MON2: variants seen among roughly 807,000 people sequenced by gnomAD.
MON2 encodes MON2 regulator of endosome-to-Golgi trafficking.
A neutral mutation model predicts 208.6 loss-of-function variants in MON2; 84 were observed. The ratio of observed to expected loss-of-function variants is 0.40; its 90% CI spans 0.34 to 0.48. The LOEUF is 0.48. Among genes scored for constraint, MON2 ranks in the 20% least tolerant of loss-of-function variants. MON2 has a pLI of 0.59. For synonymous variants in MON2, 660 were observed against 694.0 expected (o/e 0.95, Z 0.77); for missense variants, 1,611 against 2,015.4 (o/e 0.80, Z 3.84).
chr12:62,562,675 G>A (rs1412170741), intron 26 of MON2, among the ~76,000 whole-genome samples: 1 of 151,934 alleles, frequency 6.6e-6, no homozygotes, highest in African/African-American at 2.4e-5. Flanking sequence ...AAATTTACTT[G>A]CTTTTGGACT....
At chr12:62,585,101 ACACACAC>A (rs2075166169) in intron 32 of MON2, among the ~76,000 whole-genome samples, 186 bp from the exon 33 acceptor site, 2 of 66,580 alleles carry the variant, frequency 3.0e-5, no homozygotes, top group Non-Finnish European at 6.0e-5. Context: ...ACACACACAC[ACACACAC>A]ACAAAACAAA....
intron 6 of MON2, 77 bp downstream of exon 6, chr12:62,500,957 T>A: frequency 1.2e-6 from 1 of 810,318 alleles, no homozygotes; most frequent in Non-Finnish European, 1.9e-6. Flanking sequence ...ATTTTATGTC[T>A]AATTTTTTTA....
rs1400456921 is a variant in MON2 at position 62,596,233 on chromosome 12, A to G, written c.*3484A>G. The stretch of plus-strand genomic sequence containing the variant: ...GGTGGTCATTATTACATTTGTGTCA[A>G]TGAAGGGCAGTGTAGTTATTTTAAA... On this transcript the variant is annotated 3_prime_UTR_variant, in exon 35 of 35. Coordinates refer to ENST00000393630, the MANE Select transcript of MON2 (RefSeq NM_015026.3). 1 of 152,222 alleles carries G rather than the reference A, an allele frequency of 6.6e-6. No individual in the cohort carries two copies. The highest frequency in any genetic ancestry group is 1.5e-5 in the Non-Finnish European group (1 of 68,028). 9.4% of individuals were successfully genotyped at this position (152,222 alleles called of 1,614,324 possible). A position where few individuals can be genotyped will look rare whatever the true frequency, so the allele number is the denominator to read the frequency against.
In MON2 at chr12:62,592,824, G is replaced by C; in HGVS notation, c.*75G>C. ...TCCTAATTGAGTCTTCTGTGAGAAGGACATTTCTTACTGCAGATAATTCTT... is the reference window on the plus strand; with the variant it reads ...TCCTAATTGAGTCTTCTGTGAGAAGCACATTTCTTACTGCAGATAATTCTT... On this transcript the variant is annotated 3_prime_UTR_variant, in exon 35 of 35. Coordinates refer to ENST00000393630, the MANE Select transcript of MON2 (RefSeq NM_015026.3). 4 of 1,389,064 alleles carry C rather than the reference G, an allele frequency of 2.9e-6. No homozygotes were observed. Among genetic ancestry groups the C allele is most frequent in the Non-Finnish European group, 3.9e-6 (4 of 1,029,226 alleles). 86.0% of individuals were successfully genotyped at this position (1,389,064 alleles called of 1,614,324 possible).
rs141996598 is a variant in MON2 at position 62,474,613 on chromosome 12, G to A, written c.111+7295G>A. 4.5e-3 allele frequency among the ~76,000 whole-genome samples: 655 copies of A among 147,086 alleles called. 6 individuals carry two copies. Among genetic ancestry groups the A allele is most frequent in the African/African-American group, 0.016 (620 of 39,764 alleles). ...CTAATTTTGTATATTTAGTAGAGAC[G>A]GGGTTTCTCTGTGTTGGTCAGGCTG... On this transcript the variant is annotated intron_variant, in intron 1 of 34. Transcript: ENST00000393630.
chr12:62,566,430 G>A lies in MON2; in HGVS notation c.4303G>A (p.Val1435Met), dbSNP rs780048936. 6.2e-7 allele frequency: 1 copy of A among 1,613,072 alleles called. No homozygotes were observed. The highest frequency in any genetic ancestry group is 8.5e-7 in the Non-Finnish European group (1 of 1,179,534). ...TCACAAAGCAGTGGTGAATGAGAAA[G>A]TGCTCCAGAATATTATTAAGGTATC... is the stretch of plus-strand genomic sequence containing the variant. ...ACHKAVVNEK[V>M]LQNIIKTLRV... Residue 1435 changes from valine (V) to methionine (M), a missense_variant, in exon 29 of 35, where the codon GTG (valine) becomes ATG (methionine). Val to Met is a conservative substitution (Grantham distance 21). Transcript: ENST00000393630.
At position 62,546,344 on chromosome 12, in the gene MON2, A is replaced by AAGTAAAGTAAAGTAAAG. The variant is rs1476735191; in HGVS notation, c.2578-553_2578-552insAGTAAAGTAAAGTAAAG. ...TAATTAGTATCTTTAAAGTAAGATA[A>AAGTAAAGTAAAGTAAAG]CTACCCATTTATCTAAAATCTAACA... On this transcript the variant is annotated intron_variant, in intron 21 of 34. Transcript: ENST00000393630. 2.0e-5 allele frequency among the ~76,000 whole-genome samples: 3 copies of AAGTAAAGTAAAGTAAAG among 152,188 alleles called. No individual in the cohort carries two copies. The East Asian group carries it at 5.8e-4, about 29-fold the overall frequency.
intron 21 of MON2, among the ~76,000 whole-genome samples, chr12:62,545,234 TTA>T (rs2073429590): frequency 6.6e-6 from 1 of 152,030 alleles, no homozygotes; most frequent in Non-Finnish European, 1.5e-5. Context: ...CTAAGTTAAA[TTA>T]CCTGGAATTG....
At chr12:62,490,106 A>G in intron 2 of MON2, 1 of 610,554 alleles carries the variant, frequency 1.6e-6, no homozygotes, top group Non-Finnish European at 2.5e-6. Flanking sequence ...GACCTGGTGG[A>G]CCTTTTTCAG....
At chr12:62,557,968 T>A (rs1288107581) in intron 25 of MON2, among the ~76,000 whole-genome samples, 163 of 73,062 alleles carry the variant, frequency 2.2e-3, no homozygotes, top group Non-Finnish European at 3.0e-3. Context: ...ATATATTTTT[T>A]TTTTTTTTTT....
At chr12:62,497,512 C>T (rs1055065155) in intron 4 of MON2, among the ~76,000 whole-genome samples, 2 of 152,096 alleles carry the variant, frequency 1.3e-5, no homozygotes, top group Non-Finnish European at 2.9e-5. Context: ...GAAAAAAGAC[C>T]GTACCAAGTG....
At position 62,576,073 on chromosome 12, in the gene MON2, T is replaced by C. The variant is rs144204161; in HGVS notation, c.4515-2372T>C. ...TCAATATTCAATATATTGAATGTAA[T>C]ATAGTAGCAAAAAAGACAAATTGAA... On this transcript the variant is annotated intron_variant, in intron 30 of 34. Transcript: ENST00000393630. Among the ~76,000 whole-genome samples the C allele has an allele frequency of 2.4e-3, 368 of 152,236 alleles. 2 individuals carry two copies. The highest frequency in any genetic ancestry group is 0.017 in the Middle Eastern group (5 of 294).
chr12:62,580,330 T>A lies in MON2; in HGVS notation c.4609T>A (p.Tyr1537Asn). ...VQLISNEILP[Y>N]ANFIPKEFVG... is the part of the protein sequence containing the mutation. ...ACTTATCAGCAATGAGATACTACCT[T>A]ATGCCAATTTTATTCCTAAGGAATT... Residue 1537 changes from tyrosine to asparagine, a missense_variant, in exon 32 of 35, where the codon TAT becomes AAT. Coordinates refer to ENST00000393630, the MANE Select transcript of MON2 (RefSeq NM_015026.3). The A allele has an allele frequency of 6.2e-7, 1 of 1,610,482 alleles. No individual in the cohort carries two copies. Among genetic ancestry groups the A allele is most frequent in the Non-Finnish European group, 8.5e-7 (1 of 1,177,200 alleles).
chr12:62,482,324 A>G (rs2069494288), intron 1 of MON2: 1 of 152,262 alleles, frequency 6.6e-6, no homozygotes, highest in Non-Finnish European at 1.5e-5. Context: ...ACAAAATGAC[A>G]GAAGTCTACT....
intron 7 of MON2, among the ~76,000 whole-genome samples, chr12:62,502,779 T>A (rs1210556015): frequency 1.3e-5 from 2 of 152,076 alleles, no homozygotes; most frequent in Non-Finnish European, 2.9e-5. Context: ...GTAATTTAGG[T>A]TTTTTAACTA....
intron 11 of MON2, among the ~76,000 whole-genome samples, chr12:62,528,844 G>A (rs2072471942): frequency 6.6e-6 from 1 of 152,160 alleles, no homozygotes; most frequent in African/African-American, 2.4e-5. Flanking sequence ...TTGAGCTTAA[G>A]TTTCTTTCTG....
intron 14 of MON2, 23 bp from the exon 15 acceptor site, chr12:62,537,128 T>C: frequency 7.3e-7 from 1 of 1,368,808 alleles, no homozygotes; most frequent in Non-Finnish European, 1.0e-6. Flanking sequence ...TTTTAATTAT[T>C]TAGGCTTTCC....
chr12:62,474,484 G>A (rs540809972), intron 1 of MON2, among the ~76,000 whole-genome samples: 159 of 152,004 alleles, frequency 1.0e-3, no homozygotes, highest in African/African-American at 3.6e-3. Flanking sequence ...GAGTGCAGTG[G>A]TGCAATCTCG....
chr12:62,547,654 T>C (rs1441566620), intron 22 of MON2, among the ~76,000 whole-genome samples: 1 of 152,214 alleles, frequency 6.6e-6, no homozygotes, highest in African/African-American at 2.4e-5. Flanking sequence ...AGTATAGTTA[T>C]ACGCTGCCTA....
Sources: allele counts gnomAD v4.1 joint callset (sites outside exome capture counted in the v4.1 genomes callset), GRCh38; gene constraint gnomAD v4.1.1; transcripts MANE v1.5; gene names NCBI Gene and HGNC (gene_info 2026-07-23, HGNC 2026-07-21).